The following ARHGAP5 variants were observed in gnomAD, a reference collection of about 807,000 sequenced individuals.
ARHGAP5 encodes the protein rho GTPase-activating protein 5.
ARHGAP5 carries 23 observed loss-of-function variants against 116.6 expected under a neutral mutation model. The observed-to-expected ratio is 0.20, with a 90% CI of 0.14 to 0.28. ARHGAP5 has a LOEUF of 0.28. Among genes scored for constraint, ARHGAP5 ranks in the 10% least tolerant of loss-of-function variants. The pLI is 1.00. For synonymous variants in ARHGAP5, 574 were observed against 602.0 expected (o/e 0.95, Z 0.68); for missense variants, 1,405 against 1,774.8 (o/e 0.79, Z 3.74).
chr14:32,101,606 A>G (rs116654947), intron 2 of ARHGAP5, among the ~76,000 whole-genome samples: 1,851 of 145,126 alleles, frequency 0.013, 34 homozygotes, highest in African/African-American at 0.043. Flanking sequence ...CAGTGTTCAC[A>G]TCTGAGAGAA....
intron 2 of ARHGAP5, among the ~76,000 whole-genome samples, chr14:32,108,082 G>T (rs775921264): frequency 2.0e-5 from 3 of 152,136 alleles, no homozygotes; most frequent in Non-Finnish European, 4.4e-5. Context: ...CAAGGATGAA[G>T]AAAAAAGTTT....
rs187616134 is a variant in ARHGAP5 at position 32,131,758 on chromosome 14, C to T, written c.3865+14471C>T. On this transcript the variant is annotated intron_variant, in intron 3 of 6. Transcript: ENST00000345122. ...ACTCCCCCAACCCCACAACAGTCCC[C>T]GGTGTGTGATGTTCCCCTTCCTGTG... Among the ~76,000 whole-genome samples the T allele has an allele frequency of 2.0e-4, 31 of 152,234 alleles. No homozygotes were observed. In the East Asian group the frequency reaches 3.5e-3, roughly 17 times the overall value.
Position 32,094,369 on chromosome 14 carries a change from G to A in ARHGAP5, c.3700G>A (p.Val1234Met), listed in dbSNP as rs1395074272. The change falls in exon 2 of 7, where the codon GTG (valine) becomes ATG (methionine). Residue 1234 changes from valine to methionine, a missense_variant. Val to Met is a conservative substitution (Grantham distance 21). Coordinates refer to ENST00000345122, the MANE Select transcript of ARHGAP5 (RefSeq NM_001030055.2). Reference sequence around the variant, plus strand: ...GAAGATGAAGAAGAAAACCCACAAAGTGAAAGAAGATAAAAAGGTAAGGTT... The same window carrying A: ...GAAGATGAAGAAGAAAACCCACAAAATGAAAGAAGATAAAAAGGTAAGGTT... ...DKKMKKKTHK[V>M]KEDKKQKKKT... 1 of 1,573,330 alleles carries A rather than the reference G, an allele frequency of 6.4e-7. No homozygotes were observed. The highest frequency in any genetic ancestry group is 8.6e-7 in the Non-Finnish European group (1 of 1,166,936).
In ARHGAP5 at chr14:32,094,442, A is replaced by C. The variant is rs573253613; in HGVS notation, c.3717+56A>C. 11 of 1,292,634 alleles carry C rather than the reference A, an allele frequency of 8.5e-6. No homozygotes were observed. The East Asian group carries it at 2.6e-4, about 30-fold the overall frequency. 80.1% of individuals were successfully genotyped at this position (1,292,634 alleles called of 1,614,324 possible). On this transcript the variant is annotated intron_variant, in intron 2 of 6. Coordinates refer to ENST00000345122, the MANE Select transcript of ARHGAP5 (RefSeq NM_001030055.2). ...TAAAAATGCTTGTTGTTACTTTTTT[A>C]AAATACTGACATCAGTGTTAGAATT...
Position 32,092,042 on chromosome 14 carries a change from T to A in ARHGAP5, c.1373T>A (p.Met458Lys). Reference sequence around the variant, plus strand: ...TGGGAGGAAGTTATGTGCTTTGTTATGGAGGATGAAGCCTACAAATATATC... The same window carrying A: ...TGGGAGGAAGTTATGTGCTTTGTTAAGGAGGATGAAGCCTACAAATATATC... ...QPWEEVMCFV[M>K]EDEAYKYITE... Residue 458 changes from methionine (M) to lysine (K), a missense_variant, in exon 2 of 7, where the codon ATG becomes AAG. Transcript: ENST00000345122. This position sits in a 1 kb window ranked among gnomAD's most constrained non-coding sequence, Gnocchi z 4.1. The A allele has an allele frequency of 6.2e-7, 1 of 1,613,750 alleles. No homozygotes were observed. The highest frequency in any genetic ancestry group is 8.5e-7 in the Non-Finnish European group (1 of 1,179,756).
Position 32,147,394 on chromosome 14 carries a change from A to T in ARHGAP5, c.3943+1054A>T, listed in dbSNP as rs575288250. Among the ~76,000 whole-genome samples, 424 of 152,354 alleles carry T rather than the reference A, an allele frequency of 2.8e-3. 4 individuals are homozygous for T. The highest frequency in any genetic ancestry group is 9.7e-3 in the African/African-American group (403 of 41,588). On this transcript the variant is annotated intron_variant, in intron 4 of 6. Coordinates refer to ENST00000345122, the MANE Select transcript of ARHGAP5 (RefSeq NM_001030055.2). ...TCAGAAGAGAGCAACCAATAAATAC[A>T]TGAAAATATGCTTAGCCTCTATTAA... is the stretch of plus-strand genomic sequence containing the variant.
At chr14:32,082,047 T>C (rs2041781622) in intron 1 of ARHGAP5, among the ~76,000 whole-genome samples, 1 of 152,104 alleles carries the variant, frequency 6.6e-6, no homozygotes, top group African/African-American at 2.4e-5. Flanking sequence ...AACCTACAGT[T>C]CTTGATCCTC....
Position 32,117,231 on chromosome 14 carries a change from C to T in ARHGAP5, c.3809C>T (p.Ala1270Val). 1 of 1,611,278 alleles carries T rather than the reference C, an allele frequency of 6.2e-7. No individual in the cohort carries two copies. The highest frequency in any genetic ancestry group is 1.7e-4 in the Middle Eastern group (1 of 6,052). The change falls in exon 3 of 7, where the codon GCT (alanine) becomes GTT (valine). Residue 1270 changes from alanine (A) to valine (V), a missense_variant. By Grantham distance (64) the Ala-to-Val change is moderately conservative (BLOSUM62 0). This residue lies in a region of ARHGAP5 where 176 missense variants were observed against 221.2 expected (regional missense o/e 0.80). Coordinates refer to ENST00000345122, the MANE Select transcript of ARHGAP5 (RefSeq NM_001030055.2). Reference protein sequence around the residue: ...FGMPLQDLVTAEKPIPLFVEK... With the variant: ...FGMPLQDLVTVEKPIPLFVEK... ...ATGCCCCTCCAGGATCTGGTTACAG[C>T]TGAGAAGCCCATACCACTATTTGTT...
intron 1 of ARHGAP5, among the ~76,000 whole-genome samples, chr14:32,081,479 G>A (rs990994323): frequency 6.6e-6 from 1 of 150,796 alleles, no homozygotes; most frequent in African/African-American, 2.4e-5. Context: ...AACCCAGGAG[G>A]CGGAGCTTGC....
rs764178856 is a variant in ARHGAP5, at chr14:32,091,992, T to C, written c.1323T>C (p.Ile441=). 2.5e-6 allele frequency: 4 copies of C among 1,613,614 alleles called. No individual in the cohort carries two copies. Among genetic ancestry groups the C allele is most frequent in the Non-Finnish European group, 3.4e-6 (4 of 1,179,688 alleles). The change falls in exon 2 of 7, where the codon ATT becomes ATC. Residue 441 remains isoleucine, a synonymous_variant. Coordinates refer to ENST00000345122, the MANE Select transcript of ARHGAP5 (RefSeq NM_001030055.2). ...AATTCAAAAAGACTTTGGAAAAAAT[T>C]CAATTCATTTCACCAGGGCAGCCAT... ...KEKFKKTLEK[I]QFISPGQPWE... is the part of the protein sequence containing the mutation.
intron 2 of ARHGAP5, among the ~76,000 whole-genome samples, chr14:32,110,432 T>C (rs1879235466): frequency 1.3e-5 from 2 of 151,810 alleles, no homozygotes; most frequent in South Asian, 4.2e-4. Context: ...GTAGCTGGGA[T>C]TGGATTACAA....
chr14:32,132,203 A>G (rs922536385), intron 3 of ARHGAP5, among the ~76,000 whole-genome samples: 1 of 152,216 alleles, frequency 6.6e-6, no homozygotes, highest in Non-Finnish European at 1.5e-5. Context: ...TCCCACCAAC[A>G]GTGTAAAAGT....
At chr14:32,111,839 ATTTTTTTTTTTTT>A (rs34512246) in intron 2 of ARHGAP5, among the ~76,000 whole-genome samples, 6 of 93,176 alleles carry the variant, frequency 6.4e-5, no homozygotes, top group Admixed American at 1.3e-4. Context: ...TTCTTCTTTG[ATTTTTTTTTTTTT>A]TTTTTTTTTT....
At chr14:32,077,487 G>A in intron 1 of ARHGAP5, 52 bp downstream of exon 1, 1 of 683,982 alleles carries the variant, frequency 1.5e-6, no homozygotes, top group Admixed American at 2.1e-5. Context: ...CCTCCCGGAC[G>A]GGGACCCTCC....
chr14:32,152,684 T>A (rs530763618), intron 6 of ARHGAP5, among the ~76,000 whole-genome samples, 156 bp downstream of exon 6: 1 of 152,206 alleles, frequency 6.6e-6, no homozygotes, highest in Non-Finnish European at 1.5e-5. Flanking sequence ...TAAAAAGATA[T>A]ATGATTAGTT....
chr14:32,087,135 C>T (rs1403876108), intron 1 of ARHGAP5, among the ~76,000 whole-genome samples: 1 of 151,424 alleles, frequency 6.6e-6, no homozygotes, highest in Non-Finnish European at 1.5e-5. Context: ...AAACAGCCTT[C>T]ATATCATTGA....
intron 2 of ARHGAP5, among the ~76,000 whole-genome samples, chr14:32,112,322 A>C (rs955124155): frequency 6.6e-6 from 1 of 152,046 alleles, no homozygotes; most frequent in Non-Finnish European, 1.5e-5. Flanking sequence ...TGCTGAGGTG[A>C]CCCTTTGTGT....
chr14:32,083,002 C>T (rs2041793582), intron 1 of ARHGAP5, among the ~76,000 whole-genome samples: 1 of 152,236 alleles, frequency 6.6e-6, no homozygotes, highest in Non-Finnish European at 1.5e-5. Context: ...CCCTTGAGAC[C>T]TAGGGTCATA....
At chr14:32,134,821 C>T (rs1304253401) in intron 3 of ARHGAP5, among the ~76,000 whole-genome samples, 3 of 152,086 alleles carry the variant, frequency 2.0e-5, no homozygotes, top group African/African-American at 4.8e-5. Context: ...ATAGCCATTC[C>T]GTTTACTGTT....
Sources: gnomAD v4.1 joint callset for allele counts (sites outside exome capture counted in the v4.1 genomes callset) on GRCh38, gnomAD v4.1.1 for gene constraint, gnomAD v4.1.1 regional missense constraint, Gnocchi (gnomAD v3.1) non-coding constraint, MANE v1.5 for transcripts, NCBI Gene and HGNC (gene_info 2026-07-23, HGNC 2026-07-21) for gene names.